Variants in DLGAP1 observed in about 807,000 individuals in gnomAD.
DLGAP1 encodes the protein DLG associated protein 1.
DLGAP1 carries 11 observed loss-of-function variants against 90.8 expected under a neutral mutation model. The observed-to-expected ratio is 0.12, with a 90% confidence interval of 0.08 to 0.20. The LOEUF (loss-of-function observed/expected upper bound fraction) is 0.20, where lower values mean the gene tolerates loss of function less well. DLGAP1 is among the 10% of genes least tolerant of loss of function. The pLI is 1.00. For synonymous variants in DLGAP1, 558 were observed against 540.7 expected (o/e 1.03, Z -0.44); for missense variants, 1,050 against 1,333.8 (o/e 0.79, Z 3.31).
intron 1 of DLGAP1, among the ~76,000 whole-genome samples, chr18:4,338,543 T>G (rs1433894566): frequency 1.3e-5 from 2 of 152,208 alleles, no homozygotes; most frequent in African/African-American, 4.8e-5. Flanking sequence ...GTGCCTATTA[T>G]TTATCAGGAA....
intron 7 of DLGAP1, among the ~76,000 whole-genome samples, chr18:3,681,010 T>C (rs1220144247): frequency 3.3e-5 from 5 of 152,174 alleles, no homozygotes; most frequent in Non-Finnish European, 5.9e-5. Context: ...GAAATCCCAG[T>C]TGATCTGGTG....
intron 2 of DLGAP1, among the ~76,000 whole-genome samples, chr18:4,148,023 CT>C (rs2076614584): frequency 6.6e-6 from 1 of 152,194 alleles, no homozygotes; most frequent in Non-Finnish European, 1.5e-5. Flanking sequence ...TTCTTAGTTT[CT>C]GTTTCTGGTT....
chr18:3,794,342 A>T (rs779964312), intron 5 of DLGAP1, among the ~76,000 whole-genome samples: 6 of 152,228 alleles, frequency 3.9e-5, no homozygotes, highest in Non-Finnish European at 8.8e-5. Context: ...AGTGCAGCTG[A>T]CAGTGTGCAT....
rs1340442266 is a variant in DLGAP1 at position 3,727,293 on chromosome 18, G to A, written c.1591+1842C>T. On this transcript the variant is annotated intron_variant, in intron 7 of 12. Coordinates refer to ENST00000315677, the MANE Select transcript of DLGAP1 (RefSeq NM_004746.4). This position sits in a 1 kb window ranked among gnomAD's most constrained non-coding sequence, Gnocchi z 4.7. ...ACCCCATGTGTGTTTGGAGTGAAGA[G>A]CATGGGACAGGCGCTGATGCAGGAA... is the stretch of plus-strand genomic sequence containing the variant. Among the ~76,000 whole-genome samples, 2 of 152,202 alleles carry A rather than the reference G, an allele frequency of 1.3e-5. No individual in the cohort carries two copies. Among genetic ancestry groups the A allele is most frequent in the Admixed American group, 1.3e-4 (2 of 15,284 alleles).
chr18:3,656,417 A>T (rs953168721), intron 7 of DLGAP1: 2 of 337,656 alleles, frequency 5.9e-6, no homozygotes, highest in Non-Finnish European at 1.1e-5. Context: ...TGTATAAATT[A>T]TACCAGATTA....
At chr18:4,406,703 C>A (rs2082671574) in intron 1 of DLGAP1, among the ~76,000 whole-genome samples, 1 of 152,082 alleles carries the variant, frequency 6.6e-6, no homozygotes, top group African/African-American at 2.4e-5. Flanking sequence ...GTGGTTGTGT[C>A]AGGGAATGAA....
intron 7 of DLGAP1, chr18:3,594,174 C>T (rs2056439421): frequency 6.6e-6 from 1 of 152,344 alleles, no homozygotes; most frequent in Admixed American, 6.5e-5. Flanking sequence ...ACCTACCAAG[C>T]CGGAGGACTG....
chr18:3,846,232 A>G (rs2069006206), intron 4 of DLGAP1, among the ~76,000 whole-genome samples: 1 of 152,226 alleles, frequency 6.6e-6, no homozygotes, highest in African/African-American at 2.4e-5. Context: ...GGTTATCAAT[A>G]GACAAGGACA....
At chr18:4,349,075 T>C (rs566203601) in intron 1 of DLGAP1, among the ~76,000 whole-genome samples, 2 of 152,066 alleles carry the variant, frequency 1.3e-5, no homozygotes, top group Non-Finnish European at 2.9e-5. Context: ...AAGGGAAAAA[T>C]ATAAATTTAT....
chr18:4,333,845 C>T (rs771842227), intron 1 of DLGAP1, among the ~76,000 whole-genome samples: 1 of 151,340 alleles, frequency 6.6e-6, no homozygotes, highest in Non-Finnish European at 1.5e-5. Context: ...CGTGATCCGC[C>T]CGCCTTGGCC....
At chr18:4,038,380 G>A (rs1488004817) in intron 2 of DLGAP1, among the ~76,000 whole-genome samples, 1 of 152,088 alleles carries the variant, frequency 6.6e-6, no homozygotes, top group Non-Finnish European at 1.5e-5. Flanking sequence ...TCAGTCTGGG[G>A]GGGTTAGGGA....
chr18:3,694,946 T>TG (rs1491575884), intron 7 of DLGAP1, among the ~76,000 whole-genome samples: 1 of 140,800 alleles, frequency 7.1e-6, no homozygotes, highest in Non-Finnish European at 1.5e-5. Context: ...TTTGTTTTTT[T>TG]TTTTTTTTTT....
chr18:3,865,761 C>T (rs1264453620), intron 4 of DLGAP1, among the ~76,000 whole-genome samples: 1 of 152,122 alleles, frequency 6.6e-6, no homozygotes, highest in Non-Finnish European at 1.5e-5. Context: ...TCATATAAAA[C>T]AGGGGTCAGA....
chr18:3,620,615 T>A (rs193023818), intron 7 of DLGAP1, among the ~76,000 whole-genome samples: 1 of 152,076 alleles, frequency 6.6e-6, no homozygotes, highest in Non-Finnish European at 1.5e-5. Context: ...TGGAGTGCAA[T>A]GGCAAGATCT....
chr18:4,282,527 T>TA (rs2145440069), intron 1 of DLGAP1, among the ~76,000 whole-genome samples: 1 of 152,280 alleles, frequency 6.6e-6, no homozygotes, highest in African/African-American at 2.4e-5. Flanking sequence ...AGCCATAAAT[T>TA]AATCTTAAAT....
intron 1 of DLGAP1, among the ~76,000 whole-genome samples, chr18:4,450,197 G>C (rs1598440939): frequency 6.6e-6 from 1 of 152,152 alleles, no homozygotes; most frequent in East Asian, 1.9e-4. Context: ...CATGTGTTTT[G>C]TAAAGAAATC....
At chr18:4,097,518 C>T (rs112155045) in intron 2 of DLGAP1, among the ~76,000 whole-genome samples, 3,332 of 152,322 alleles carry the variant, frequency 0.022, 57 homozygotes, top group South Asian at 0.052. Context: ...TCCTTCCCTT[C>T]TGCCTCCAGA....
At chr18:4,016,538 G>T (rs1281523865) in intron 2 of DLGAP1, among the ~76,000 whole-genome samples, 1 of 152,194 alleles carries the variant, frequency 6.6e-6, no homozygotes, top group African/African-American at 2.4e-5. Context: ...TCATCATGAA[G>T]GAAGGCTTAA....
intron 2 of DLGAP1, among the ~76,000 whole-genome samples, chr18:4,126,202 A>T (rs2076231301): frequency 6.6e-6 from 1 of 152,214 alleles, no homozygotes; most frequent in African/African-American, 2.4e-5. Context: ...AAAAATAAAT[A>T]AAAGCTACTG....
Sources: allele counts gnomAD v4.1 joint callset (sites outside exome capture counted in the v4.1 genomes callset), GRCh38; gene constraint gnomAD v4.1.1; non-coding constraint Gnocchi (gnomAD v3.1); transcripts MANE v1.5; gene names NCBI Gene and HGNC (gene_info 2026-07-23, HGNC 2026-07-21).